The following RASEF variants were observed in gnomAD, a reference collection of about 807,000 sequenced individuals.
RASEF encodes RAS and EF-hand domain containing, also known as ras and EF-hand domain-containing protein.
A neutral mutation model predicts 90.1 loss-of-function variants in RASEF; 68 were observed. That is an observed-to-expected ratio of 0.75 (90% CI 0.62 to 0.92). The LOEUF (loss-of-function observed/expected upper bound fraction) is 0.92, where lower values mean the gene tolerates loss of function less well. Ranked by LOEUF, RASEF falls within the 40% of genes least tolerant of loss-of-function variation. The pLI is 0.00. For missense variants in RASEF, 949 were observed against 937.2 expected, an observed-to-expected ratio of 1.01 and a Z score of -0.16; for synonymous variants, 331 against 345.2, an observed-to-expected ratio of 0.96 and a Z score of 0.46.
the RASEF span, among the ~76,000 whole-genome samples, chr9:83,169,618 G>A: frequency 6.6e-6 from 1 of 151,056 alleles, no homozygotes; most frequent in African/African-American, 2.4e-5. Context: ...TTTGTTTTTG[G>A]CTTTTGAATA....
intron 1 of RASEF, among the ~76,000 whole-genome samples, chr9:83,057,480 G>T (rs540838677): frequency 6.6e-6 from 1 of 152,066 alleles, no homozygotes; most frequent in African/African-American, 2.4e-5. Flanking sequence ...ACATTAAAGA[G>T]AAAAAGCAAA....
the RASEF span, among the ~76,000 whole-genome samples, chr9:83,116,943 G>C: frequency 1.8e-4 from 27 of 152,268 alleles, no homozygotes; most frequent in Non-Finnish European, 8.8e-5. Context: ...AAAGTAGAAA[G>C]TCTAAGGCAT....
the RASEF span, among the ~76,000 whole-genome samples, chr9:83,087,349 A>G: frequency 0.48 from 72,015 of 151,038 alleles, 17,640 homozygotes; most frequent in East Asian, 0.78. Flanking sequence ...TGATGGGAGT[A>G]GTGCCTTTAT....
At position 83,047,400 on chromosome 9, in the gene RASEF, A is replaced by C. The variant is rs1284423080; in HGVS notation, c.431+15037T>G. Among the ~76,000 whole-genome samples, 3 of 152,224 alleles carry C rather than the reference A, an allele frequency of 2.0e-5. No homozygotes were observed. In the South Asian group the frequency reaches 6.2e-4, roughly 32 times the overall value. Reference sequence around the variant, plus strand: ...AAGGGACAAAGAATTCCAACAATGAAAGAAAACAATACTACAATACCAGAA... The same window carrying C: ...AAGGGACAAAGAATTCCAACAATGACAGAAAACAATACTACAATACCAGAA... On this transcript the variant is annotated intron_variant, in intron 1 of 16. Transcript: ENST00000376447.
chr9:83,196,952 C>T, the RASEF span, among the ~76,000 whole-genome samples: 374 of 152,338 alleles, frequency 2.5e-3, 2 homozygotes, highest in Admixed American at 5.3e-3. Flanking sequence ...CCTTTAATGA[C>T]GAACATATGG....
the RASEF span, among the ~76,000 whole-genome samples, chr9:83,072,012 G>A: frequency 4.6e-5 from 7 of 152,132 alleles, no homozygotes; most frequent in East Asian, 3.9e-4. Flanking sequence ...TCCACCTCTC[G>A]ATGCAGGAGG....
Position 82,980,844 on chromosome 9 carries a change from A to G in RASEF, c.*1833T>C, listed in dbSNP as rs1177208124. ...GAAATGTAATCTTTTCTTTTTCTGG[A>G]ACCAGGAAACAGGAATTCATGGCAG... On this transcript the variant is annotated 3_prime_UTR_variant, in exon 17 of 17. Coordinates refer to ENST00000376447, the MANE Select transcript of RASEF (RefSeq NM_152573.4). 6.6e-6 allele frequency: 1 copy of G among 152,202 alleles called. No individual in the cohort carries two copies. The highest frequency in any genetic ancestry group is 1.5e-5 in the Non-Finnish European group (1 of 68,046). The allele number at this position is 152,202 out of a possible 1,614,324, so 9.4% of individuals were successfully genotyped here.
chr9:82,992,561 A>G (rs1464537130), intron 15 of RASEF, among the ~76,000 whole-genome samples: 4 of 152,326 alleles, frequency 2.6e-5, no homozygotes, highest in Non-Finnish European at 4.4e-5. Flanking sequence ...TCAAAATAGG[A>G]CACTATTTTC....
At chr9:83,088,216 G>A in the RASEF span, among the ~76,000 whole-genome samples, 1 of 151,672 alleles carries the variant, frequency 6.6e-6, no homozygotes, top group African/African-American at 2.4e-5. Context: ...GACATTGTTG[G>A]GTGAAGTGTT....
the RASEF span, among the ~76,000 whole-genome samples, chr9:83,207,927 T>C: frequency 6.6e-6 from 1 of 152,168 alleles, no homozygotes; most frequent in Non-Finnish European, 1.5e-5. Flanking sequence ...TTAACAGAAC[T>C]CTGCACACAA....
At chr9:83,017,478 C>T (rs1000934832) in intron 3 of RASEF, among the ~76,000 whole-genome samples, 2 of 150,048 alleles carry the variant, frequency 1.3e-5, no homozygotes, top group African/African-American at 2.5e-5. Context: ...CCAGCCTGGG[C>T]GACAGAGCGA....
chr9:83,140,266 A>G, the RASEF span, among the ~76,000 whole-genome samples: 1 of 152,210 alleles, frequency 6.6e-6, no homozygotes, highest in Non-Finnish European at 1.5e-5. Context: ...TGTGAGGTCA[A>G]GCCATATACA....
chr9:83,189,281 G>C, the RASEF span, among the ~76,000 whole-genome samples: 1 of 152,180 alleles, frequency 6.6e-6, no homozygotes, highest in Non-Finnish European at 1.5e-5. Flanking sequence ...GCCATGTGAA[G>C]AAGGATGTAT....
intron 1 of RASEF, among the ~76,000 whole-genome samples, chr9:83,042,803 G>T (rs1829864757): frequency 6.6e-6 from 1 of 152,092 alleles, no homozygotes; most frequent in Non-Finnish European, 1.5e-5. Flanking sequence ...CATTCAAACA[G>T]TGCTTTTAAA....
chr9:83,029,801 C>G (rs1451382701), intron 1 of RASEF, among the ~76,000 whole-genome samples: 1 of 152,086 alleles, frequency 6.6e-6, no homozygotes, highest in Admixed American at 6.5e-5. Context: ...TATTAATAAA[C>G]CTGCAGTAGT....
chr9:83,031,179 G>C (rs935738271), intron 1 of RASEF, among the ~76,000 whole-genome samples: 15 of 152,214 alleles, frequency 9.9e-5, no homozygotes, highest in African/African-American at 3.6e-4. Flanking sequence ...AGCTTAGAAA[G>C]TTGGCATTAT....
chr9:83,009,811 G>A (rs752800668), intron 5 of RASEF, 55 bp from the exon 6 acceptor site: 5 of 1,093,380 alleles, frequency 4.6e-6, no homozygotes, highest in Non-Finnish European at 7.0e-6. Flanking sequence ...CTGCCTGGGA[G>A]AAATGAAGTA....
At chr9:83,031,432 A>G (rs1829644944) in intron 1 of RASEF, among the ~76,000 whole-genome samples, 1 of 152,342 alleles carries the variant, frequency 6.6e-6, no homozygotes, top group East Asian at 1.9e-4. Context: ...GCCTTTACAT[A>G]TATTATTCAT....
At position 83,015,789 on chromosome 9, in the gene RASEF, G is replaced by A; in HGVS notation, c.765+16C>T. ...TGCTGAGGCTGTTCCTACAAGTCCA[G>A]CTGCCACATGCCTACCTTTCTTAGC... On this transcript the variant is annotated intron_variant, in intron 4 of 16. Transcript: ENST00000376447. 6.3e-7 allele frequency: 1 copy of A among 1,586,200 alleles called. No individual in the cohort carries two copies. Among genetic ancestry groups the A allele is most frequent in the Middle Eastern group, 1.7e-4 (1 of 6,018 alleles).
Sources: gnomAD v4.1 joint callset for allele counts (sites outside exome capture counted in the v4.1 genomes callset) on GRCh38, gnomAD v4.1.1 for gene constraint, MANE v1.5 for transcripts, NCBI Gene and HGNC (gene_info 2026-07-23, HGNC 2026-07-21) for gene names.